Variants in PCDH9 observed in about 807,000 individuals in gnomAD.
PCDH9 encodes the protein protocadherin 9, also known as protocadherin-9.
PCDH9 carries 24 observed loss-of-function variants against 70.6 expected under a neutral mutation model. The ratio of observed to expected loss-of-function variants is 0.34; its 90% CI spans 0.25 to 0.48. The LOEUF (loss-of-function observed/expected upper bound fraction) is 0.48, where lower values mean the gene tolerates loss of function less well. PCDH9 is among the 20% of genes least tolerant of loss of function. The pLI is 0.99. For missense variants in PCDH9, 1,281 were observed against 1,503.6 expected (o/e 0.85, Z 2.45); for synonymous variants, 562 against 558.5 (o/e 1.01, Z -0.09).
At chr13:66,662,263 G>T (rs967907846) in intron 3 of PCDH9, among the ~76,000 whole-genome samples, 2 of 151,888 alleles carry the variant, frequency 1.3e-5, no homozygotes, top group Non-Finnish European at 2.9e-5. Context: ...ACCTAAGGTT[G>T]GGAGTTCGAG....
chr13:66,351,374 C>T (rs1956289092), intron 4 of PCDH9, among the ~76,000 whole-genome samples: 1 of 152,106 alleles, frequency 6.6e-6, no homozygotes, highest in South Asian at 2.1e-4. Context: ...ATACCAAAAG[C>T]TCCAGTCATG....
Position 66,867,830 on chromosome 13 carries a change from T to C in PCDH9, c.3138+35674A>G, listed in dbSNP as rs192418436. ...TGAACTTTTTGAAAAAAATCCTTTT[T>C]TTTATCCTTCTGTCATTGTTTTTCA... On this transcript the variant is annotated intron_variant, in intron 3 of 4. Transcript: ENST00000377865. 6.2e-4 allele frequency among the ~76,000 whole-genome samples: 95 copies of C among 152,140 alleles called. 1 individual carries two copies. The East Asian group carries it at 0.015, about 24-fold the overall frequency.
At chr13:66,453,515 G>A (rs1223533361) in intron 4 of PCDH9, among the ~76,000 whole-genome samples, 2 of 151,876 alleles carry the variant, frequency 1.3e-5, no homozygotes, top group African/African-American at 2.4e-5. Flanking sequence ...AGGCAGACTT[G>A]TTCTTTGTTC....
At chr13:66,673,889 T>C (rs2078209606) in intron 3 of PCDH9, among the ~76,000 whole-genome samples, 1 of 152,184 alleles carries the variant, frequency 6.6e-6, no homozygotes, top group African/African-American at 2.4e-5. Context: ...TCCAGTTAAA[T>C]AATTATATGG....
chr13:66,864,848 C>T (rs927868095), intron 3 of PCDH9, among the ~76,000 whole-genome samples: 1 of 152,134 alleles, frequency 6.6e-6, no homozygotes, highest in Non-Finnish European at 1.5e-5. Context: ...TGACCAGTTG[C>T]CTGGAAAGTA....
intron 3 of PCDH9, among the ~76,000 whole-genome samples, chr13:66,637,497 T>G (rs1182892483): frequency 1.3e-5 from 2 of 152,168 alleles, no homozygotes; most frequent in Non-Finnish European, 2.9e-5. Context: ...TTATGAGTCA[T>G]TTTATCATTT....
chr13:67,013,369 CAT>C (rs1431341683), intron 2 of PCDH9, among the ~76,000 whole-genome samples: 4 of 151,254 alleles, frequency 2.6e-5, no homozygotes, highest in African/African-American at 9.7e-5. Flanking sequence ...AACTTTATGA[CAT>C]AAACATTTTA....
At chr13:66,993,077 A>G (rs1275611892) in intron 2 of PCDH9, among the ~76,000 whole-genome samples, 3 of 152,162 alleles carry the variant, frequency 2.0e-5, no homozygotes, top group African/African-American at 4.8e-5. Flanking sequence ...ATAATTTGCA[A>G]TCTTCATAAA....
intron 3 of PCDH9, among the ~76,000 whole-genome samples, chr13:66,698,905 TTTTTTTTTTTTTG>T (rs1395813719): frequency 3.3e-5 from 4 of 121,456 alleles, no homozygotes; most frequent in Non-Finnish European, 5.4e-5. Flanking sequence ...CTTTTTTTTT[TTTTTTTTTTTTTG>T]TTGTTGTTGT....
chr13:67,183,416 C>T (rs1327079745), intron 2 of PCDH9, among the ~76,000 whole-genome samples: 1 of 152,156 alleles, frequency 6.6e-6, no homozygotes, highest in African/African-American at 2.4e-5. Flanking sequence ...TCTTTTGAAT[C>T]TATAACTTCA....
At chr13:66,357,497 T>A (rs568162026) in intron 4 of PCDH9, among the ~76,000 whole-genome samples, 1 of 151,864 alleles carries the variant, frequency 6.6e-6, no homozygotes, top group South Asian at 2.1e-4. Context: ...ATCAACTAAT[T>A]TTTTTTTGTC....
chr13:66,660,412 G>A (rs1462580625), intron 3 of PCDH9, among the ~76,000 whole-genome samples: 1 of 152,112 alleles, frequency 6.6e-6, no homozygotes, highest in Non-Finnish European at 1.5e-5. Context: ...AGAATATGAA[G>A]GAAGAAGTAT....
chr13:67,027,956 T>A (rs1213626752), intron 2 of PCDH9, among the ~76,000 whole-genome samples: 1 of 150,448 alleles, frequency 6.6e-6, no homozygotes, highest in African/African-American at 2.4e-5. Flanking sequence ...TAGGAACACT[T>A]TTACACTGTT....
At chr13:66,356,194 C>T (rs1354234942) in intron 4 of PCDH9, among the ~76,000 whole-genome samples, 1 of 151,972 alleles carries the variant, frequency 6.6e-6, no homozygotes, top group Non-Finnish European at 1.5e-5. Flanking sequence ...TTTGAAAATA[C>T]AATATGTTTG....
chr13:66,681,989 TTTTG>T (rs1418075696), intron 3 of PCDH9, among the ~76,000 whole-genome samples: 3 of 125,256 alleles, frequency 2.4e-5, no homozygotes, highest in African/African-American at 3.3e-5. Context: ...TTGGTTTTTG[TTTTG>T]TTTGTTTTGG....
At chr13:67,193,436 T>G (rs1385771638) in intron 2 of PCDH9, among the ~76,000 whole-genome samples, 1 of 152,042 alleles carries the variant, frequency 6.6e-6, no homozygotes, top group Admixed American at 6.6e-5. Context: ...GTCTTTTATC[T>G]ATTTTTTTTC....
At chr13:66,472,622 G>A (rs1958642362) in intron 4 of PCDH9, among the ~76,000 whole-genome samples, 2 of 152,054 alleles carry the variant, frequency 1.3e-5, no homozygotes, top group Admixed American at 6.6e-5. Flanking sequence ...TTGTTCTTTC[G>A]ATTGTCTTAC....
chr13:66,845,185 G>C (rs571200698), intron 3 of PCDH9, among the ~76,000 whole-genome samples: 3 of 152,122 alleles, frequency 2.0e-5, no homozygotes, highest in Non-Finnish European at 4.4e-5. Context: ...GTCTGCCTCC[G>C]ACCGCTGTTC....
intron 2 of PCDH9, among the ~76,000 whole-genome samples, chr13:67,096,986 C>T (rs1425262162): frequency 6.6e-6 from 1 of 151,954 alleles, no homozygotes; most frequent in Admixed American, 6.6e-5. Context: ...CAGTGGCTCA[C>T]ACCTGTAATC....
Sources: gnomAD v4.1 joint callset for allele counts (sites outside exome capture counted in the v4.1 genomes callset) on GRCh38, gnomAD v4.1.1 for gene constraint, MANE v1.5 for transcripts, NCBI Gene and HGNC (gene_info 2026-07-23, HGNC 2026-07-21) for gene names.